Variants in AGBL4 observed in about 807,000 individuals in gnomAD.
AGBL4 encodes AGBL carboxypeptidase 4, also known as cytosolic carboxypeptidase 6.
Under a neutral mutation model 66.4 loss-of-function variants are expected in AGBL4, and 58 were observed. The observed-to-expected ratio is 0.87, with a 90% CI of 0.71 to 1.09. The LOEUF is 1.09. Ranked by LOEUF, AGBL4 falls within the 50% of genes least tolerant of loss-of-function variation. AGBL4 has a pLI of 0.00. For synonymous variants in AGBL4, 234 were observed against 222.9 expected, an observed-to-expected ratio of 1.05 and a Z score of -0.44; for missense variants, 579 against 631.0, an observed-to-expected ratio of 0.92 and a Z score of 0.88.
At chr1:49,653,728 T>C (rs570619135) in intron 3 of AGBL4, among the ~76,000 whole-genome samples, 2 of 151,470 alleles carry the variant, frequency 1.3e-5, no homozygotes, top group East Asian at 2.0e-4. Context: ...ATATAAGAGC[T>C]TGAAGACTGT....
chr1:49,483,497 T>C (rs961442003), intron 3 of AGBL4, among the ~76,000 whole-genome samples: 1 of 151,726 alleles, frequency 6.6e-6, no homozygotes, highest in Non-Finnish European at 1.5e-5. Context: ...TATAGAATGA[T>C]ACAAGACCCA....
chr1:48,724,727 C>CA (rs1003267570), intron 6 of AGBL4, among the ~76,000 whole-genome samples: 19 of 151,874 alleles, frequency 1.3e-4, no homozygotes, highest in East Asian at 3.9e-4. Context: ...TCTATAATTA[C>CA]AAAAAAAATC....
At chr1:49,126,352 C>T (rs79784810) in intron 4 of AGBL4, among the ~76,000 whole-genome samples, 2,340 of 152,216 alleles carry the variant, frequency 0.015, 23 homozygotes, top group Non-Finnish European at 0.023. Context: ...CTGAAGACTC[C>T]ATAGCACTGT....
At chr1:49,242,668 A>T (rs1651329333) in intron 4 of AGBL4, among the ~76,000 whole-genome samples, 1 of 151,976 alleles carries the variant, frequency 6.6e-6, no homozygotes. Context: ...GATGCTACAG[A>T]GCCCTAACCA....
intron 6 of AGBL4, among the ~76,000 whole-genome samples, chr1:48,777,728 T>C (rs1645165480): frequency 6.6e-6 from 1 of 152,088 alleles, no homozygotes; most frequent in Non-Finnish European, 1.5e-5. Flanking sequence ...TCTTTCTCCA[T>C]TGAGATACCC....
At chr1:48,901,463 T>C (rs1485810473) in intron 5 of AGBL4, among the ~76,000 whole-genome samples, 4 of 152,090 alleles carry the variant, frequency 2.6e-5, no homozygotes, top group African/African-American at 9.7e-5. Flanking sequence ...CTGGAGAAAA[T>C]TCAAATGTGC....
intron 5 of AGBL4, among the ~76,000 whole-genome samples, chr1:48,945,858 A>G (rs1656457213): frequency 6.6e-6 from 1 of 152,174 alleles, no homozygotes; most frequent in Non-Finnish European, 1.5e-5. Flanking sequence ...GAAATTACTT[A>G]ACCTCTTTGT....
intron 9 of AGBL4, among the ~76,000 whole-genome samples, chr1:48,603,949 AAACAACAAC>A (rs573631069): frequency 3.3e-5 from 5 of 151,584 alleles, no homozygotes; most frequent in African/African-American, 9.7e-5. Flanking sequence ...AAAAACAACA[AAACAACAAC>A]AACAACAACA....
chr1:49,798,910 T>C (rs1347632597), intron 2 of AGBL4, among the ~76,000 whole-genome samples: 1 of 152,216 alleles, frequency 6.6e-6, no homozygotes. Flanking sequence ...AAAATCATAT[T>C]AATTCTTCAA....
At chr1:48,532,390 T>C (rs1391354724), downstream of AGBL4, among the ~76,000 whole-genome samples, 1 of 152,240 alleles carries the variant, frequency 6.6e-6, no homozygotes. Context: ...GAATGCAGAA[T>C]TAGAACCCAA....
At chr1:49,636,196 C>A (rs532509054) in intron 3 of AGBL4, among the ~76,000 whole-genome samples, 3 of 152,272 alleles carry the variant, frequency 2.0e-5, no homozygotes, top group Non-Finnish European at 2.9e-5. Context: ...GCTTAAACAA[C>A]AAACTCTTAT....
intron 6 of AGBL4, among the ~76,000 whole-genome samples, chr1:48,699,635 C>T (rs12071598): frequency 0.062 from 9,425 of 152,226 alleles, 404 homozygotes; most frequent in African/African-American, 0.12. Context: ...GAATAAATTA[C>T]CCTGGCTCTC....
intron 4 of AGBL4, among the ~76,000 whole-genome samples, chr1:49,238,522 G>A (rs997970721): frequency 5.3e-5 from 8 of 152,120 alleles, no homozygotes; most frequent in East Asian, 1.9e-4. Flanking sequence ...CTGACACCAC[G>A]AAGAGGAAGG....
intron 5 of AGBL4, among the ~76,000 whole-genome samples, chr1:48,972,626 C>G (rs778891127): frequency 6.6e-6 from 1 of 152,128 alleles, no homozygotes; most frequent in African/African-American, 2.4e-5. Context: ...CTACTTTGAA[C>G]CTCTATCTTA....
At chr1:49,791,359 C>G (rs929749604) in intron 2 of AGBL4, among the ~76,000 whole-genome samples, 1 of 151,944 alleles carries the variant, frequency 6.6e-6, no homozygotes, top group African/African-American at 2.4e-5. Flanking sequence ...ATGTTAGACA[C>G]CTACTGTAAA....
chr1:49,095,398 C>T (rs1235302117), intron 4 of AGBL4, among the ~76,000 whole-genome samples: 1 of 152,154 alleles, frequency 6.6e-6, no homozygotes, highest in Non-Finnish European at 1.5e-5. Context: ...GCCAAAAGAA[C>T]AAAGCTGGAG....
At chr1:48,910,421 G>A (rs1652986816) in intron 5 of AGBL4, among the ~76,000 whole-genome samples, 1 of 152,166 alleles carries the variant, frequency 6.6e-6, no homozygotes, top group South Asian at 2.1e-4. Flanking sequence ...GACTTTTGGT[G>A]TGGTAGATTC....
intron 4 of AGBL4, among the ~76,000 whole-genome samples, chr1:49,209,444 T>A (rs1430884285): frequency 6.6e-6 from 1 of 152,098 alleles, no homozygotes; most frequent in Non-Finnish European, 1.5e-5. Context: ...GGTGGAGAAG[T>A]ATCTTCCTCT....
chr1:49,057,456 T>C (rs139152073), intron 4 of AGBL4, among the ~76,000 whole-genome samples: 2 of 152,276 alleles, frequency 1.3e-5, no homozygotes, highest in African/African-American at 2.4e-5. Flanking sequence ...AATTGGATCA[T>C]GTCACTTCCT....
Sources: gnomAD v4.1 joint callset for allele counts (sites outside exome capture counted in the v4.1 genomes callset) on GRCh38, gnomAD v4.1.1 for gene constraint, MANE v1.5 for transcripts, NCBI Gene and HGNC (gene_info 2026-07-23, HGNC 2026-07-21) for gene names.